The following KIAA0319L variants were observed in gnomAD, a reference collection of about 807,000 sequenced individuals.
KIAA0319L encodes the protein KIAA0319 like, also known as dyslexia-associated protein KIAA0319-like protein.
A neutral mutation model predicts 120.1 loss-of-function variants in KIAA0319L; 55 were observed. That is an observed-to-expected ratio of 0.46 (90% CI 0.37 to 0.57). The LOEUF is 0.57. Among genes scored for constraint, KIAA0319L ranks in the 20% least tolerant of loss-of-function variants. The pLI is 0.00. For missense variants in KIAA0319L, 1,049 were observed against 1,255.3 expected (o/e 0.84, Z 2.48); for synonymous variants, 398 against 471.9 (o/e 0.84, Z 2.03).
At chr1:35,440,900 G>A in intron 20 of KIAA0319L, 147 bp downstream of exon 20, 1 of 737,664 alleles carries the variant, frequency 1.4e-6, no homozygotes, top group South Asian at 1.6e-5. Flanking sequence ...GGGCAAATCT[G>A]ACCCTCAGTC....
chr1:35,474,944 A>G (rs961452790), intron 4 of KIAA0319L, 38 bp from the exon 5 acceptor site: 2 of 1,115,672 alleles, frequency 1.8e-6, no homozygotes, highest in African/African-American at 3.1e-5. Flanking sequence ...TAAGAAATAG[A>G]TCCAGACTGT....
chr1:35,490,204 A>G (rs1311138172), intron 3 of KIAA0319L, among the ~76,000 whole-genome samples: 2 of 152,220 alleles, frequency 1.3e-5, no homozygotes, highest in Non-Finnish European at 2.9e-5. Context: ...AATAGTACCT[A>G]TTCCACAAAG....
At chr1:35,470,142 G>C (rs1643524859) in intron 6 of KIAA0319L, among the ~76,000 whole-genome samples, 1 of 152,020 alleles carries the variant, frequency 6.6e-6, no homozygotes, top group South Asian at 2.1e-4. Context: ...CAAAGTGCTT[G>C]GATTACAGGC....
rs1265980252 is a variant in KIAA0319L at position 35,437,380 on chromosome 1, A to G, written c.2963-2299T>C. On this transcript the variant is annotated intron_variant, in intron 20 of 20. Coordinates refer to ENST00000325722, the MANE Select transcript of KIAA0319L (RefSeq NM_024874.5). The surrounding 1 kb of genome is among the most constrained non-coding windows in gnomAD (Gnocchi z 4.1). ...CACCTCTCCAACGCACCACTCCTCT[A>G]CCTGCATTCGACATTGCCACCCACA... Among the ~76,000 whole-genome samples the G allele has an allele frequency of 6.6e-6, 1 of 151,488 alleles. No homozygotes were observed. The highest frequency in any genetic ancestry group is 1.5e-5 in the Non-Finnish European group (1 of 67,860).
rs1215904318 is a variant in KIAA0319L, at chr1:35,496,580, T to A, written c.666+10032A>T. Among the ~76,000 whole-genome samples, 13 of 152,298 alleles carry A rather than the reference T, an allele frequency of 8.5e-5. No homozygotes were observed. In the East Asian group the frequency reaches 2.5e-3, roughly 29 times the overall value. ...ACCAAAATCTGGAAGCAATCCAATA[T>A]CCATTAACAGGTAAATGGATAAACA... On this transcript the variant is annotated intron_variant, in intron 3 of 20. Coordinates refer to ENST00000325722, the MANE Select transcript of KIAA0319L (RefSeq NM_024874.5).
At chr1:35,443,159 T>C in intron 17 of KIAA0319L, 131 bp from the exon 18 acceptor site, 1 of 1,049,910 alleles carries the variant, frequency 9.5e-7, no homozygotes, top group Admixed American at 2.3e-5. Flanking sequence ...GAGACCCACC[T>C]TGGGCATGGT....
chr1:35,454,614 C>A, intron 10 of KIAA0319L, 129 bp from the exon 11 acceptor site: 1 of 1,456,200 alleles, frequency 6.9e-7, no homozygotes, highest in South Asian at 1.4e-5. Context: ...TATTACGTAC[C>A]AGTTCAGCAT....
Position 35,454,609 on chromosome 1 carries a change from C to T in KIAA0319L, c.1657-124G>A, listed in dbSNP as rs1472632375. 3.6e-5 allele frequency: 52 copies of T among 1,462,316 alleles called. No individual in the cohort carries two copies. The East Asian group carries it at 1.0e-3, about 28-fold the overall frequency. The allele number at this position is 1,462,316 out of a possible 1,614,324, so 90.6% of individuals were successfully genotyped here. ...GACCTAAGATGGTACTGGGCTATTA[C>T]GTACCAGTTCAGCATGTGAGTGAAT... On this transcript the variant is annotated intron_variant, in intron 10 of 20. Coordinates refer to ENST00000325722, the MANE Select transcript of KIAA0319L (RefSeq NM_024874.5).
chr1:35,450,996 C>G (rs565406847), intron 13 of KIAA0319L, among the ~76,000 whole-genome samples: 1 of 152,198 alleles, frequency 6.6e-6, no homozygotes, highest in Admixed American at 6.5e-5. Context: ...CGGAGCCCCA[C>G]GTGAAGCTCT....
At chr1:35,523,045 A>G (rs1417025286) in intron 2 of KIAA0319L, among the ~76,000 whole-genome samples, 1 of 147,664 alleles carries the variant, frequency 6.8e-6, no homozygotes, top group Non-Finnish European at 1.5e-5. Context: ...AAAATCTTGT[A>G]TGGTTTGGAC....
rs1426318762 is a variant in KIAA0319L at position 35,437,217 on chromosome 1, A to G, written c.2963-2136T>C. Among the ~76,000 whole-genome samples, 4 of 151,818 alleles carry G rather than the reference A, an allele frequency of 2.6e-5. No homozygotes were observed. Among genetic ancestry groups the G allele is most frequent in the African/African-American group, 9.7e-5 (4 of 41,310 alleles). On this transcript the variant is annotated intron_variant, in intron 20 of 20. Coordinates refer to ENST00000325722, the MANE Select transcript of KIAA0319L (RefSeq NM_024874.5). This position sits in a 1 kb window ranked among gnomAD's most constrained non-coding sequence, Gnocchi z 4.1. ...TGTGCTGAGCTCAGGCTCCCATCCAATCTCACCTCTGCAGCGCGGCACTTC... is the reference window on the plus strand; with the variant it reads ...TGTGCTGAGCTCAGGCTCCCATCCAGTCTCACCTCTGCAGCGCGGCACTTC...
chr1:35,441,478 G>C (rs1641211857), intron 19 of KIAA0319L, among the ~76,000 whole-genome samples: 1 of 152,104 alleles, frequency 6.6e-6, no homozygotes, highest in Admixed American at 6.5e-5. Context: ...AGTTGGTAAT[G>C]GTGGTTGTCT....
chr1:35,538,635 A>C (rs1422292176), intron 2 of KIAA0319L, among the ~76,000 whole-genome samples: 1 of 151,668 alleles, frequency 6.6e-6, no homozygotes, highest in Non-Finnish European at 1.5e-5. Context: ...GCTTATTTTA[A>C]GGCACTGACT....
intron 15 of KIAA0319L, among the ~76,000 whole-genome samples, chr1:35,448,861 C>G (rs1328008526): frequency 6.6e-6 from 1 of 152,174 alleles, no homozygotes; most frequent in African/African-American, 2.4e-5. Flanking sequence ...TCCAGTCAGC[C>G]AAGACACAAG....
intron 18 of KIAA0319L, among the ~76,000 whole-genome samples, 164 bp downstream of exon 18, chr1:35,442,742 A>G (rs1641318416): frequency 6.6e-6 from 1 of 152,182 alleles, no homozygotes; most frequent in Non-Finnish European, 1.5e-5. Context: ...TCTAACCTTG[A>G]GCAAGTGTGG....
At chr1:35,442,391 T>A in intron 18 of KIAA0319L, 55 bp from the exon 19 acceptor site, 10 of 1,343,552 alleles carry the variant, frequency 7.4e-6, no homozygotes, top group African/African-American at 2.9e-5. Context: ...GGGAGGGAGG[T>A]CTGGGCTGCT....
intron 2 of KIAA0319L, among the ~76,000 whole-genome samples, chr1:35,518,224 C>A (rs956627999): frequency 1.3e-5 from 2 of 151,982 alleles, no homozygotes; most frequent in African/African-American, 2.4e-5. Flanking sequence ...GGGTATATAC[C>A]CAGAGGGAAA....
intron 1 of KIAA0319L, chr1:35,555,120 C>G (rs920968574): frequency 6.6e-6 from 1 of 152,178 alleles, no homozygotes; most frequent in African/African-American, 2.4e-5. Context: ...TTACGTCAGG[C>G]ACTATGCTGG....
At chr1:35,502,770 G>A (rs1283184095) in intron 3 of KIAA0319L, among the ~76,000 whole-genome samples, 1 of 152,140 alleles carries the variant, frequency 6.6e-6, no homozygotes, top group Non-Finnish European at 1.5e-5. Context: ...TACTTCTGTA[G>A]CGCCTTGCTA....
Sources: allele counts gnomAD v4.1 joint callset (sites outside exome capture counted in the v4.1 genomes callset), GRCh38; gene constraint gnomAD v4.1.1; non-coding constraint Gnocchi (gnomAD v3.1); transcripts MANE v1.5; gene names NCBI Gene and HGNC (gene_info 2026-07-23, HGNC 2026-07-21).